Variants in AGBL4 observed in about 807,000 individuals in gnomAD.
AGBL4 encodes AGBL carboxypeptidase 4, also known as cytosolic carboxypeptidase 6.
AGBL4 carries 58 observed loss-of-function variants against 66.4 expected under a neutral mutation model. The observed-to-expected ratio is 0.87, with a 90% CI of 0.71 to 1.09. The LOEUF is 1.09. Ranked by LOEUF, AGBL4 falls within the 50% of genes least tolerant of loss-of-function variation. AGBL4 has a pLI of 0.00. For missense variants in AGBL4, 579 were observed against 631.0 expected, an observed-to-expected ratio of 0.92 and a Z score of 0.88; for synonymous variants, 234 against 222.9, an observed-to-expected ratio of 1.05 and a Z score of -0.44.
intron 6 of AGBL4, among the ~76,000 whole-genome samples, chr1:48,763,205 C>T (rs1349116060): frequency 6.6e-6 from 1 of 152,106 alleles, no homozygotes; most frequent in Non-Finnish European, 1.5e-5. Context: ...TTGTTAATAA[C>T]CCCTACTGAT....
intron 5 of AGBL4, among the ~76,000 whole-genome samples, chr1:48,938,515 C>T (rs1344662105): frequency 2.0e-5 from 3 of 152,016 alleles, no homozygotes; most frequent in Non-Finnish European, 2.9e-5. Flanking sequence ...GACATTTAAA[C>T]GGGAATGATA....
At chr1:49,642,963 C>A (rs891315802) in intron 3 of AGBL4, among the ~76,000 whole-genome samples, 1 of 151,974 alleles carries the variant, frequency 6.6e-6, no homozygotes, top group African/African-American at 2.4e-5. Context: ...ATACTACCCA[C>A]AGTGAGGGAA....
At chr1:48,588,298 C>T (rs1569901827) in intron 10 of AGBL4, among the ~76,000 whole-genome samples, 3 of 152,340 alleles carry the variant, frequency 2.0e-5, no homozygotes, top group Admixed American at 2.0e-4. Flanking sequence ...CAGCACCCAT[C>T]ACAGTGGATA....
chr1:49,961,408 G>A (rs1209762485), intron 1 of AGBL4, among the ~76,000 whole-genome samples: 4 of 151,956 alleles, frequency 2.6e-5, no homozygotes, highest in African/African-American at 9.7e-5. Flanking sequence ...GAGAGACTGA[G>A]GGGAGACATC....
At chr1:48,856,378 G>T (rs1040048434) in intron 6 of AGBL4, among the ~76,000 whole-genome samples, 2 of 152,160 alleles carry the variant, frequency 1.3e-5, no homozygotes, top group African/African-American at 4.8e-5. Context: ...AATAGAATTC[G>T]ATTTTGTATT....
intron 3 of AGBL4, among the ~76,000 whole-genome samples, chr1:49,556,432 C>T (rs1490077732): frequency 2.6e-5 from 4 of 151,904 alleles, no homozygotes; most frequent in Admixed American, 2.6e-4. Flanking sequence ...ATGTAAATGA[C>T]ACCAACATGG....
At position 49,896,497 on chromosome 1, in the gene AGBL4, A is replaced by G. The variant is rs191382709; in HGVS notation, c.35-44979T>C. 2.2e-3 allele frequency among the ~76,000 whole-genome samples: 342 copies of G among 152,022 alleles called. 1 individual carries two copies. Among genetic ancestry groups the G allele is most frequent in the African/African-American group, 7.1e-3 (294 of 41,504 alleles). On this transcript the variant is annotated intron_variant, in intron 1 of 13. Coordinates refer to ENST00000371839, the MANE Select transcript of AGBL4 (RefSeq NM_032785.4). ...TTTACCAAATATTTAAAGCACTAAT[A>G]CCAATCCTACACAAACTATTCTGAA...
At chr1:49,273,672 A>C (rs1373761133) in intron 3 of AGBL4, among the ~76,000 whole-genome samples, 1 of 151,604 alleles carries the variant, frequency 6.6e-6, no homozygotes, top group Non-Finnish European at 1.5e-5. Context: ...TTTACTTTTT[A>C]TTTTATTTTA....
intron 1 of AGBL4, among the ~76,000 whole-genome samples, chr1:49,934,319 T>C (rs548360914): frequency 1.3e-5 from 2 of 152,212 alleles, no homozygotes; most frequent in Non-Finnish European, 2.9e-5. Flanking sequence ...TCAAACATTT[T>C]ACCCAACAGC....
At chr1:49,747,308 C>T (rs1208888171) in intron 2 of AGBL4, among the ~76,000 whole-genome samples, 1 of 152,244 alleles carries the variant, frequency 6.6e-6, no homozygotes, top group Non-Finnish European at 1.5e-5. Context: ...ACCTAAATCT[C>T]CAGGACTTAT....
intron 8 of AGBL4, 124 bp from the exon 9 acceptor site, chr1:48,634,728 G>A: frequency 1.6e-6 from 1 of 642,908 alleles, no homozygotes; most frequent in Non-Finnish European, 2.6e-6. Context: ...ATTTTCCAGA[G>A]ACTGTTCTAA....
chr1:49,116,647 T>C (rs1427115414), intron 4 of AGBL4, among the ~76,000 whole-genome samples: 1 of 152,228 alleles, frequency 6.6e-6, no homozygotes, highest in African/African-American at 2.4e-5. Context: ...TAGTTCCAAG[T>C]GTTAGCTATT....
chr1:49,371,240 G>GATAT (rs1284939033), intron 3 of AGBL4, among the ~76,000 whole-genome samples: 4 of 135,936 alleles, frequency 2.9e-5, no homozygotes, highest in Admixed American at 7.1e-5. Context: ...TAGATAGATA[G>GATAT]ATAGATAGAT....
At chr1:49,343,945 C>A (rs1645589688) in intron 3 of AGBL4, among the ~76,000 whole-genome samples, 1 of 152,116 alleles carries the variant, frequency 6.6e-6, no homozygotes, top group African/African-American at 2.4e-5. Flanking sequence ...AAAATTTAGA[C>A]ATTTGTTCTA....
At chr1:50,015,760 C>T (rs1045349992) in intron 1 of AGBL4, among the ~76,000 whole-genome samples, 3 of 152,120 alleles carry the variant, frequency 2.0e-5, no homozygotes, top group Non-Finnish European at 4.4e-5. Context: ...TACAACACTA[C>T]AGTAACTAAA....
chr1:48,935,958 GAAAAAAAAAAAAAAAAAAAA>G (rs71056686), intron 5 of AGBL4, among the ~76,000 whole-genome samples: 36 of 24,596 alleles, frequency 1.5e-3, no homozygotes, highest in South Asian at 0.012. Flanking sequence ...GACTCTGTCT[GAAAAAAAAAAAAAAAAAAAA>G]AAAAAAAAAA....
chr1:49,855,487 A>G (rs181204493), intron 1 of AGBL4, among the ~76,000 whole-genome samples: 89 of 152,344 alleles, frequency 5.8e-4, no homozygotes, highest in Admixed American at 9.2e-4. Flanking sequence ...TTTCATGGAC[A>G]GATCATATGT....
At chr1:49,222,867 G>T (rs1283331674) in intron 4 of AGBL4, among the ~76,000 whole-genome samples, 1 of 152,080 alleles carries the variant, frequency 6.6e-6, no homozygotes, top group Non-Finnish European at 1.5e-5. Flanking sequence ...ATAGTTTTTG[G>T]CAAGGGTCTA....
At chr1:49,877,836 C>A (rs1053963789) in intron 1 of AGBL4, among the ~76,000 whole-genome samples, 1 of 151,614 alleles carries the variant, frequency 6.6e-6, no homozygotes, top group East Asian at 1.9e-4. Context: ...ACAATTTCAG[C>A]TCCTGTTATT....
Sources: gnomAD v4.1 joint callset for allele counts (sites outside exome capture counted in the v4.1 genomes callset) on GRCh38, gnomAD v4.1.1 for gene constraint, MANE v1.5 for transcripts, NCBI Gene and HGNC (gene_info 2026-07-23, HGNC 2026-07-21) for gene names.